The following ZNF385B variants were observed in gnomAD, a reference collection of about 807,000 sequenced individuals.
ZNF385B encodes zinc finger protein 533.
A neutral mutation model predicts 39.2 loss-of-function variants in ZNF385B; 23 were observed. That is an observed-to-expected ratio of 0.59 (90% confidence interval 0.42 to 0.83). The LOEUF (loss-of-function observed/expected upper bound fraction) is 0.83. ZNF385B is among the 40% of genes least tolerant of loss of function. The pLI is 0.00. For synonymous variants in ZNF385B, 205 were observed against 222.6 expected, an observed-to-expected ratio of 0.92 and a Z score of 0.70; for missense variants, 552 against 598.9, an observed-to-expected ratio of 0.92 and a Z score of 0.82.
At chr2:179,699,443 C>T (rs182978054) in intron 3 of ZNF385B, among the ~76,000 whole-genome samples, 52 of 152,248 alleles carry the variant, frequency 3.4e-4, no homozygotes, top group African/African-American at 1.2e-3. Context: ...ATATTGCTGG[C>T]ACTAGTGACA....
chr2:179,751,614 T>C (rs577703822), intron 3 of ZNF385B, among the ~76,000 whole-genome samples: 1 of 150,384 alleles, frequency 6.6e-6, no homozygotes, highest in East Asian at 2.0e-4. Context: ...TAACTGTTTC[T>C]TGAATGTAGA....
intron 3 of ZNF385B, among the ~76,000 whole-genome samples, chr2:179,673,250 A>G (rs6708189): frequency 0.29 from 44,675 of 152,052 alleles, 8,446 homozygotes; most frequent in African/African-American, 0.54. Flanking sequence ...TTCTTTCTAA[A>G]GAAGTGCATC....
intron 3 of ZNF385B, among the ~76,000 whole-genome samples, chr2:179,551,083 CT>C (rs1306177250): frequency 6.6e-6 from 1 of 151,984 alleles, no homozygotes; most frequent in African/African-American, 2.4e-5. Context: ...AAGACACCTC[CT>C]ATTTGTAGTT....
At chr2:179,831,985 G>GGT (rs1708012306) in intron 1 of ZNF385B, among the ~76,000 whole-genome samples, 1 of 152,150 alleles carries the variant, frequency 6.6e-6, no homozygotes. Context: ...ATTATGATAG[G>GGT]GTGTGGAGTT....
chr2:179,739,970 A>G (rs1394873228), intron 3 of ZNF385B, among the ~76,000 whole-genome samples: 2 of 152,204 alleles, frequency 1.3e-5, no homozygotes, highest in African/African-American at 4.8e-5. Context: ...CTAATTTATT[A>G]TAACTATACT....
chr2:179,756,020 C>T (rs550064370), intron 3 of ZNF385B, among the ~76,000 whole-genome samples: 1 of 152,272 alleles, frequency 6.6e-6, no homozygotes, highest in Non-Finnish European at 1.5e-5. Context: ...GCAGTTTCTT[C>T]CCAGCCTCAG....
chr2:179,846,221 A>C (rs189458596), intron 1 of ZNF385B, among the ~76,000 whole-genome samples: 20 of 152,368 alleles, frequency 1.3e-4, no homozygotes, highest in African/African-American at 4.8e-4. Flanking sequence ...CAGAATTTGG[A>C]ACCATGAACC....
intron 1 of ZNF385B, among the ~76,000 whole-genome samples, chr2:179,835,208 A>G (rs1559236745): frequency 6.6e-6 from 1 of 152,228 alleles, no homozygotes; most frequent in African/African-American, 2.4e-5. Flanking sequence ...TAGCTTTGAA[A>G]CGCTTTAGCA....
intron 3 of ZNF385B, among the ~76,000 whole-genome samples, chr2:179,682,398 A>G (rs915173531): frequency 5.9e-5 from 9 of 152,176 alleles, no homozygotes; most frequent in African/African-American, 2.2e-4. Context: ...CAAAGTAAAT[A>G]TCCTTTTCTC....
chr2:179,560,609 C>G (rs949360157), intron 3 of ZNF385B, among the ~76,000 whole-genome samples: 2 of 152,144 alleles, frequency 1.3e-5, no homozygotes, highest in Non-Finnish European at 2.9e-5. Flanking sequence ...TAGTCTCCCT[C>G]TTTCCCACCT....
rs1322239470 is a variant in ZNF385B at position 179,493,704 on chromosome 2, T to C, written c.553-10270A>G. 4.2e-5 allele frequency among the ~76,000 whole-genome samples: 6 copies of C among 142,654 alleles called. No individual in the cohort carries two copies. The Admixed American group carries it at 4.2e-4, about 10-fold the overall frequency. The allele number at this position is 142,654 out of a possible 152,430, so 93.6% of individuals were successfully genotyped here. ...ACATATACACATATATACATATATG[T>C]ATACACATATGCATATACGTATATA... On this transcript the variant is annotated intron_variant, in intron 5 of 9. Transcript: ENST00000410066.
chr2:179,758,399 C>G (rs2106482289), intron 3 of ZNF385B, among the ~76,000 whole-genome samples: 1 of 152,248 alleles, frequency 6.6e-6, no homozygotes, highest in South Asian at 2.1e-4. Flanking sequence ...ACACTGTGTC[C>G]TCAACTTGGT....
intron 3 of ZNF385B, among the ~76,000 whole-genome samples, chr2:179,557,222 C>A (rs1449378375): frequency 2.7e-5 from 4 of 149,302 alleles, no homozygotes; most frequent in Non-Finnish European, 5.9e-5. Flanking sequence ...CAAAGATGTA[C>A]AAGAATCATA....
chr2:179,820,250 C>T (rs778888235), intron 1 of ZNF385B, among the ~76,000 whole-genome samples: 10 of 152,018 alleles, frequency 6.6e-5, no homozygotes, highest in Non-Finnish European at 1.3e-4. Context: ...TGGAATAACA[C>T]GTAGATTTCA....
intron 5 of ZNF385B, among the ~76,000 whole-genome samples, chr2:179,515,736 T>G (rs2105793573): frequency 6.6e-6 from 1 of 152,298 alleles, no homozygotes; most frequent in South Asian, 2.1e-4. Flanking sequence ...AAATATTTTG[T>G]GGCTCATATC....
chr2:179,491,806 C>T (rs938516462), intron 5 of ZNF385B, among the ~76,000 whole-genome samples: 15 of 152,124 alleles, frequency 9.9e-5, no homozygotes, highest in African/African-American at 3.6e-4. Flanking sequence ...TCACGCTGTC[C>T]TCCTGCTTTA....
chr2:179,804,749 A>T (rs1706245219), intron 1 of ZNF385B, among the ~76,000 whole-genome samples: 1 of 152,202 alleles, frequency 6.6e-6, no homozygotes, highest in East Asian at 1.9e-4. Flanking sequence ...ACTACTTCGA[A>T]CACACCTTAT....
chr2:179,725,167 AGTAAGAAAAGAG>A (rs1700926157), intron 3 of ZNF385B, among the ~76,000 whole-genome samples: 1 of 152,108 alleles, frequency 6.6e-6, no homozygotes, highest in Non-Finnish European at 1.5e-5. Context: ...TTCAAAACAT[AGTAAGAAAAGAG>A]GCTTGTGTGA....
At chr2:179,512,268 T>C (rs977904720) in intron 5 of ZNF385B, among the ~76,000 whole-genome samples, 12 of 152,162 alleles carry the variant, frequency 7.9e-5, no homozygotes, top group African/African-American at 2.7e-4. Flanking sequence ...ATAATCTCTG[T>C]TTTTAAACAT....
Sources: gnomAD v4.1 joint callset for allele counts (sites outside exome capture counted in the v4.1 genomes callset) on GRCh38, gnomAD v4.1.1 for gene constraint, MANE v1.5 for transcripts, NCBI Gene and HGNC (gene_info 2026-07-23, HGNC 2026-07-21) for gene names.